PRPF40B: variants seen among roughly 807,000 people sequenced by gnomAD.
The protein encoded by PRPF40B is pre-mRNA processing factor 40B, also known as pre-mRNA-processing factor 40 homolog B.
Under a neutral mutation model 124.5 loss-of-function variants are expected in PRPF40B, and 56 were observed. The ratio of observed to expected loss-of-function variants is 0.45; its 90% CI spans 0.36 to 0.56. The LOEUF (loss-of-function observed/expected upper bound fraction) is 0.56, where lower values mean the gene tolerates loss of function less well. Among genes scored for constraint, PRPF40B ranks in the 20% least tolerant of loss-of-function variants. The pLI, the probability that PRPF40B is intolerant of heterozygous loss-of-function variation, is 0.00. For synonymous variants in PRPF40B, 443 were observed against 426.4 expected, an observed-to-expected ratio of 1.04 and a Z score of -0.48; for missense variants, 1,053 against 1,169.5, an observed-to-expected ratio of 0.90 and a Z score of 1.45.
intron 1 of PRPF40B, among the ~76,000 whole-genome samples, chr12:49,626,232 T>C (rs925103862): frequency 1.3e-5 from 2 of 152,206 alleles, no homozygotes; most frequent in Non-Finnish European, 2.9e-5. Context: ...TATGCAAAAA[T>C]CTAATAAGGT....
At position 49,631,754 on chromosome 12, in the gene PRPF40B, A is replaced by T; in HGVS notation, c.229-106A>T. 1.5e-6 allele frequency: 2 copies of T among 1,300,158 alleles called. No homozygotes were observed. The highest frequency in any genetic ancestry group is 2.2e-6 in the Non-Finnish European group (2 of 896,528). The allele number at this position is 1,300,158 out of a possible 1,614,324, so 80.5% of individuals were successfully genotyped here. ...GATTGCCTGAGGAAGTGCCCAAGTG[A>T]GGGTCATGGCTCCAGTGAGATGTCT... On this transcript the variant is annotated intron_variant, in intron 3 of 25. Transcript: ENST00000548825. The surrounding 1 kb of genome is among the most constrained non-coding windows in gnomAD (Gnocchi z 4.3).
chr12:49,633,682 T>C (rs1214828463), intron 9 of PRPF40B, 21 bp downstream of exon 9: 4 of 1,613,972 alleles, frequency 2.5e-6, no homozygotes, highest in East Asian at 4.5e-5. Flanking sequence ...TGCCCACCTA[T>C]CCATTTATAG....
intron 18 of PRPF40B, chr12:49,639,569 T>G (rs1312652530): frequency 6.6e-6 from 1 of 151,848 alleles, no homozygotes; most frequent in Non-Finnish European, 1.5e-5. Context: ...AGGGTTGGAG[T>G]TGAGTATGGG....
chr12:49,644,331 T>C lies in PRPF40B; in HGVS notation c.*139T>C. On this transcript the variant is annotated 3_prime_UTR_variant, in exon 26 of 26. Transcript: ENST00000548825. ...TAACCCCACCCCCAGCACACCATTG[T>C]TGGCACCTCTCAAGGTTGCTCTTGG... 2 of 950,896 alleles carry C rather than the reference T, an allele frequency of 2.1e-6. No homozygotes were observed. The highest frequency in any genetic ancestry group is 2.1e-4 in the Middle Eastern group (1 of 4,766). The allele number at this position is 950,896 out of a possible 1,614,324, so 58.9% of individuals were successfully genotyped here. A position where few individuals can be genotyped will look rare whatever the true frequency, so the allele number is the denominator to read the frequency against.
chr12:49,643,818 G>A, intron 24 of PRPF40B, 43 bp from the exon 25 acceptor site: 1 of 1,613,960 alleles, frequency 6.2e-7, no homozygotes, highest in South Asian at 1.1e-5. Context: ...TGCCTCCCAG[G>A]CTATCCACAG....
intron 18 of PRPF40B, chr12:49,639,560 G>A (rs541169662): frequency 6.6e-6 from 1 of 152,380 alleles, no homozygotes; most frequent in South Asian, 2.1e-4. Context: ...AGACAAGCAA[G>A]GGTTGGAGTT....
chr12:49,627,352 G>T (rs1940814839), intron 1 of PRPF40B, among the ~76,000 whole-genome samples: 1 of 152,194 alleles, frequency 6.6e-6, no homozygotes, highest in African/African-American at 2.4e-5. Context: ...AATTCTAATG[G>T]ATAATTGCCG....
At chr12:49,637,135 G>A in intron 16 of PRPF40B, 1 of 578,562 alleles carries the variant, frequency 1.7e-6, no homozygotes, top group Non-Finnish European at 3.1e-6. Flanking sequence ...TTCCCTTGGT[G>A]GGGCACCCGA....
At position 49,635,192 on chromosome 12, in the gene PRPF40B, C is replaced by G. The variant is rs780304005; in HGVS notation, c.1095C>G (p.Ala365=). 2.5e-6 allele frequency: 4 copies of G among 1,614,006 alleles called. No homozygotes were observed. The highest frequency in any genetic ancestry group is 1.7e-5 in the Admixed American group (1 of 60,006). Residue 365 remains alanine (A), a synonymous_variant, in exon 13 of 26, where the codon GCC becomes GCG. Transcript: ENST00000548825. This position sits in a 1 kb window ranked among gnomAD's most constrained non-coding sequence, Gnocchi z 4.1. ...KEEKEEARLR[A]KEAKQTLQHF... is the part of the protein sequence containing the mutation. ...AGAAGGAGGAGGCCCGGCTAAGGGC[C>G]AAAGAGGCCAAGCAGACCCTGCAGC...
chr12:49,637,656 C>T (rs376216592), intron 17 of PRPF40B, 72 bp downstream of exon 17: 17 of 1,556,792 alleles, frequency 1.1e-5, no homozygotes, highest in East Asian at 9.0e-5. Flanking sequence ...CCCCTACTAC[C>T]GGCTCCTGTC....
At chr12:49,623,505 C>T, upstream of PRPF40B, 2 of 1,232,044 alleles carry the variant, frequency 1.6e-6, no homozygotes, top group Non-Finnish European at 2.0e-6. Flanking sequence ...CCCGCCGGCC[C>T]CGCCCTCCCG....
chr12:49,631,728 G>T lies in PRPF40B; in HGVS notation c.229-132G>T, dbSNP rs1941244854. 1 of 1,241,530 alleles carries T rather than the reference G, an allele frequency of 8.1e-7. No individual in the cohort carries two copies. The highest frequency in any genetic ancestry group is 1.5e-5 in the African/African-American group (1 of 67,482). 76.9% of individuals were successfully genotyped at this position (1,241,530 alleles called of 1,614,324 possible). A position where few individuals can be genotyped will look rare whatever the true frequency, so the allele number is the denominator to read the frequency against. ...GGCAAGGTGAGAGGCCAGAATCTGGGGATTGCCTGAGGAAGTGCCCAAGTG... is the reference window on the plus strand; with the variant it reads ...GGCAAGGTGAGAGGCCAGAATCTGGTGATTGCCTGAGGAAGTGCCCAAGTG... On this transcript the variant is annotated intron_variant, in intron 3 of 25. Transcript: ENST00000548825. The surrounding 1 kb of genome is among the most constrained non-coding windows in gnomAD (Gnocchi z 4.3).
chr12:49,634,629 C>T (rs1363178363), intron 12 of PRPF40B, 27 bp downstream of exon 12: 1 of 1,613,788 alleles, frequency 6.2e-7, no homozygotes, highest in East Asian at 2.2e-5. Flanking sequence ...GGAGCCAGGC[C>T]CTGTTCATGA....
At chr12:49,636,017 G>C (rs1941758242) in intron 15 of PRPF40B, 24 bp downstream of exon 15, 2 of 1,613,382 alleles carry the variant, frequency 1.2e-6, no homozygotes, top group African/African-American at 1.3e-5. Context: ...TCCAATCCCA[G>C]CTATCCCTTT....
intron 16 of PRPF40B, chr12:49,637,254 A>G: frequency 1.7e-6 from 1 of 583,456 alleles, no homozygotes; most frequent in East Asian, 2.8e-5. Context: ...GCTTGTTCTC[A>G]CCTTTTTGTT....
rs1181479053 is a variant in PRPF40B at position 49,635,268 on chromosome 12, G to C, written c.1166+5G>C. 5 of 1,612,142 alleles carry C rather than the reference G, an allele frequency of 3.1e-6. No individual in the cohort carries two copies. The highest frequency in any genetic ancestry group is 3.4e-6 in the Non-Finnish European group (4 of 1,179,030). ...GACCTCCACCACCCGCTACCGGTCA[G>C]GGGGCCAGGCTGGGCTGGGACTTGG... On this transcript the variant is annotated splice_donor_5th_base_variant and intron_variant, in intron 13 of 25. Coordinates refer to ENST00000548825, the MANE Select transcript of PRPF40B (RefSeq NM_001031698.3). The surrounding 1 kb of genome is among the most constrained non-coding windows in gnomAD (Gnocchi z 4.1).
chr12:49,642,817 AG>A lies in PRPF40B; in HGVS notation c.2119-111del. The A allele has an allele frequency of 7.0e-7, 1 of 1,424,772 alleles. No individual in the cohort carries two copies. Among genetic ancestry groups the A allele is most frequent in the South Asian group, 1.2e-5 (1 of 80,522 alleles). 88.3% of individuals were successfully genotyped at this position (1,424,772 alleles called of 1,614,324 possible). On this transcript the variant is annotated intron_variant, in intron 21 of 25. Coordinates refer to ENST00000548825, the MANE Select transcript of PRPF40B (RefSeq NM_001031698.3). This position sits in a 1 kb window ranked among gnomAD's most constrained non-coding sequence, Gnocchi z 5.8. ...GGGGAGGCCTGAGGATCCCTGGGAT[AG>A]GCAGAAGGCTCTAGTCTGAGAAAGG... is the stretch of plus-strand genomic sequence containing the variant.
chr12:49,634,358 A>C lies in PRPF40B; in HGVS notation c.839A>C (p.Glu280Ala), dbSNP rs1250163163. Residue 280 changes from glutamate (E) to alanine (A), a missense_variant, in exon 11 of 26, where the codon GAG becomes GCG. Around this residue, in one of 2 missense-constraint regions of PRPF40B, gnomAD observed 895 missense variants for 1,052.2 expected, o/e 0.85. Transcript: ENST00000548825. ...SSSGQHQPQQEEEESKPEPER... is the reference protein window; with the variant it reads ...SSSGQHQPQQAEEESKPEPER... The stretch of plus-strand genomic sequence containing the variant: ...TCTGGACAGCATCAGCCACAGCAGG[A>C]GGAGGAGGAATCAAAGCCAGAACCA... The C allele has an allele frequency of 6.2e-7, 1 of 1,614,092 alleles. No individual in the cohort carries two copies. Among genetic ancestry groups the C allele is most frequent in the Non-Finnish European group, 8.5e-7 (1 of 1,180,034 alleles).
Position 49,643,966 on chromosome 12 carries a change from C to T in PRPF40B, c.2548C>T (p.Pro850Ser). 2 of 1,614,188 alleles carry T rather than the reference C, an allele frequency of 1.2e-6. No homozygotes were observed. ...CAGGGAGCTCCAACAGGCAGAGCTC[C>T]CTAACCGTTCCCCAGGCTTTGGAAT... ...KDRELQQAEL[P>S]NRSPGFGIKK... Residue 850 changes from proline (P) to serine (S), a missense_variant, in exon 25 of 26, where the codon CCT becomes TCT. Pro to Ser is a moderately conservative substitution (Grantham distance 74). Transcript: ENST00000548825.
Sources: gnomAD v4.1 joint callset for allele counts (sites outside exome capture counted in the v4.1 genomes callset) on GRCh38, gnomAD v4.1.1 for gene constraint, gnomAD v4.1.1 regional missense constraint, Gnocchi (gnomAD v3.1) non-coding constraint, MANE v1.5 for transcripts, NCBI Gene and HGNC (gene_info 2026-07-23, HGNC 2026-07-21) for gene names.